Variants in DIXDC1 observed in about 807,000 individuals in gnomAD.
DIXDC1 encodes the protein DIX domain containing 1, also known as dixin.
In DIXDC1, 64 loss-of-function variants were observed where a neutral mutation model predicts 103.1. The observed-to-expected ratio is 0.62, with a 90% confidence interval of 0.51 to 0.76. The LOEUF (loss-of-function observed/expected upper bound fraction) is 0.76, where lower values mean the gene tolerates loss of function less well. Ranked by LOEUF, DIXDC1 falls within the 30% of genes least tolerant of loss-of-function variation. The probability of loss-of-function intolerance (pLI) is 0.00; values close to 1 mark genes in which losing one functional copy is unlikely to be tolerated. For missense variants in DIXDC1, 759 were observed against 834.2 expected, an observed-to-expected ratio of 0.91 and a Z score of 1.11; for synonymous variants, 266 against 298.5, an observed-to-expected ratio of 0.89 and a Z score of 1.12.
At chr11:111,933,691 CAAAA>C (rs34415537), upstream of DIXDC1, among the ~76,000 whole-genome samples, 1 of 111,808 alleles carries the variant, frequency 8.9e-6, no homozygotes, top group African/African-American at 3.5e-5. Context: ...CTCTCTCTCT[CAAAA>C]AAAAAAAAAA....
Position 111,993,588 on chromosome 11 carries a change from G to C in DIXDC1, c.1365G>C (p.Gln455His), listed in dbSNP as rs1555174841. Residue 455 changes from glutamine to histidine, a missense_variant and splice_region_variant, in exon 13 of 20, where the codon CAG (glutamine) becomes CAC (histidine). Physicochemically the swap from Gln to His is conservative, Grantham distance 24. Transcript: ENST00000440460. ...AACTCTCTGATGTCAGTTACCACCA[G>C]GTCAGAACATATTCAGCCACTGACT... ...LRKLSDVSYH[Q>H]VDLERELEHK... The C allele has an allele frequency of 1.2e-6, 2 of 1,613,852 alleles. No individual in the cohort carries two copies. Among genetic ancestry groups the C allele is most frequent in the East Asian group, 2.2e-5 (1 of 44,898 alleles).
intron 10 of DIXDC1, among the ~76,000 whole-genome samples, chr11:111,990,669 A>G (rs1860680219): frequency 6.6e-6 from 1 of 152,116 alleles, no homozygotes; most frequent in Admixed American, 6.6e-5. Flanking sequence ...GCTAATATAA[A>G]CAATGATCTA....
intron 1 of DIXDC1, among the ~76,000 whole-genome samples, chr11:111,941,959 C>G (rs1966435560): frequency 6.6e-6 from 1 of 152,038 alleles, no homozygotes; most frequent in African/African-American, 2.4e-5. Flanking sequence ...AACATTGCTC[C>G]TAAAGGCCTT....
At position 112,017,031 on chromosome 11, in the gene DIXDC1, C is replaced by T. The variant is rs587763626; in HGVS notation, c.1862+235C>T. ...GATACAGGTACAATAATAGTACTTC[C>T]AATCCTGATAACTATGCAAATATGG... On this transcript the variant is annotated intron_variant, in intron 18 of 19. Coordinates refer to ENST00000440460, the MANE Select transcript of DIXDC1 (RefSeq NM_001037954.4). The surrounding 1 kb of genome is among the most constrained non-coding windows in gnomAD (Gnocchi z 4.0). Among the ~76,000 whole-genome samples the T allele has an allele frequency of 1.3e-5, 2 of 151,854 alleles. No individual in the cohort carries two copies. Among genetic ancestry groups the T allele is most frequent in the Non-Finnish European group, 2.9e-5 (2 of 67,938 alleles).
intron 9 of DIXDC1, 134 bp from the exon 10 acceptor site, chr11:111,988,871 T>C: frequency 1.5e-6 from 1 of 687,292 alleles, no homozygotes; most frequent in Non-Finnish European, 2.5e-6. Flanking sequence ...ACCAGAGCTG[T>C]TTTCTGCCTT....
At chr11:111,995,971 G>T in intron 16 of DIXDC1, 109 bp from the exon 17 acceptor site, 1 of 916,672 alleles carries the variant, frequency 1.1e-6, no homozygotes, top group Non-Finnish European at 1.7e-6. Context: ...TGTTGTGGAA[G>T]AGATGGTAGA....
Position 111,941,835 on chromosome 11 carries a change from A to C in DIXDC1, c.60+4276A>C, listed in dbSNP as rs1158729963. ...TCTGTCTCAAAACAAAACGAAACAA[A>C]ATACACACACACACACACACACACA... On this transcript the variant is annotated intron_variant, in intron 1 of 19. Transcript: ENST00000440460. Among the ~76,000 whole-genome samples, 5 of 101,154 alleles carry C rather than the reference A, an allele frequency of 4.9e-5. No individual in the cohort carries two copies. In the East Asian group the frequency reaches 1.7e-3, roughly 34 times the overall value. The allele number at this position is 101,154 out of a possible 152,430, so 66.4% of individuals were successfully genotyped here.
chr11:111,947,958 G>A (rs1966652939), intron 1 of DIXDC1, among the ~76,000 whole-genome samples: 1 of 152,172 alleles, frequency 6.6e-6, no homozygotes, highest in African/African-American at 2.4e-5. Context: ...TTCGAGACTA[G>A]CCTGGGCAAC....
At chr11:112,003,704 A>G (rs1861138900) in intron 17 of DIXDC1, among the ~76,000 whole-genome samples, 2 of 151,890 alleles carry the variant, frequency 1.3e-5, no homozygotes, top group South Asian at 4.1e-4. Context: ...AGGCTGAGGC[A>G]GGAGAATCGC....
intron 1 of DIXDC1, among the ~76,000 whole-genome samples, chr11:111,963,079 C>A (rs1859630066): frequency 1.3e-5 from 2 of 152,200 alleles, no homozygotes; most frequent in Admixed American, 1.3e-4. Context: ...GCTATGGGGA[C>A]ATTAGAGAAG....
intron 1 of DIXDC1, among the ~76,000 whole-genome samples, chr11:111,939,813 C>A (rs1024038084): frequency 6.6e-6 from 1 of 152,110 alleles, no homozygotes; most frequent in African/African-American, 2.4e-5. Flanking sequence ...CTTAATCGAT[C>A]CAGTAATATC....
intron 10 of DIXDC1, 73 bp from the exon 11 acceptor site, chr11:111,992,341 CT>C: frequency 7.6e-7 from 1 of 1,318,452 alleles, no homozygotes; most frequent in Non-Finnish European, 1.1e-6. Flanking sequence ...ACATTAAAGG[CT>C]TTAGTAATTT....
intron 16 of DIXDC1, 23 bp downstream of exon 16, chr11:111,995,587 T>A: frequency 4.3e-6 from 7 of 1,610,986 alleles, no homozygotes; most frequent in Non-Finnish European, 5.9e-6. Flanking sequence ...CTGTGGTATC[T>A]CTCTTAGGCA....
chr11:111,941,757 G>A (rs587698562), intron 1 of DIXDC1, among the ~76,000 whole-genome samples: 3 of 151,980 alleles, frequency 2.0e-5, no homozygotes, highest in South Asian at 4.2e-4. Flanking sequence ...GGTTGAGGCT[G>A]CAATGAGCCA....
Position 112,017,557 on chromosome 11 carries a change from A to G in DIXDC1, c.1863-220A>G. The G allele has an allele frequency of 3.3e-6, 1 of 306,866 alleles. No individual in the cohort carries two copies. The highest frequency in any genetic ancestry group is 6.0e-6 in the Non-Finnish European group (1 of 165,816). The allele number at this position is 306,866 out of a possible 1,614,324, so 19.0% of individuals were successfully genotyped here. On this transcript the variant is annotated intron_variant, in intron 18 of 19. Coordinates refer to ENST00000440460, the MANE Select transcript of DIXDC1 (RefSeq NM_001037954.4). The surrounding 1 kb of genome is among the most constrained non-coding windows in gnomAD (Gnocchi z 4.0). ...CTTCTGAAGCAATAAGTCAATTTTA[A>G]ATTCTCACATCACCCCATATTTAAT...
At chr11:111,947,477 G>A (rs1966635808) in intron 1 of DIXDC1, among the ~76,000 whole-genome samples, 1 of 152,206 alleles carries the variant, frequency 6.6e-6, no homozygotes, top group Non-Finnish European at 1.5e-5. Context: ...AGAAGTGGAT[G>A]GCATGGCTGG....
At chr11:111,944,784 T>C (rs1484733690) in intron 1 of DIXDC1, among the ~76,000 whole-genome samples, 4 of 152,208 alleles carry the variant, frequency 2.6e-5, no homozygotes, top group African/African-American at 9.6e-5. Flanking sequence ...GTTTTAACTC[T>C]TGTTATGTCT....
chr11:111,982,084 C>T (rs9666660), intron 6 of DIXDC1: 4,435 of 301,006 alleles, frequency 0.015, 199 homozygotes, highest in African/African-American at 0.086. Flanking sequence ...CCAAGGCTCC[C>T]GTGGAGGGAA....
At chr11:111,991,428 G>T (rs1592604822) in intron 10 of DIXDC1, among the ~76,000 whole-genome samples, 1 of 152,216 alleles carries the variant, frequency 6.6e-6, no homozygotes, top group Non-Finnish European at 1.5e-5. Flanking sequence ...GATGCCAAGG[G>T]CATCTTAGAC....
Sources: allele counts gnomAD v4.1 joint callset (sites outside exome capture counted in the v4.1 genomes callset), GRCh38; gene constraint gnomAD v4.1.1; non-coding constraint Gnocchi (gnomAD v3.1); transcripts MANE v1.5; gene names NCBI Gene and HGNC (gene_info 2026-07-23, HGNC 2026-07-21).